Variants in PIWIL1 observed in about 807,000 individuals in gnomAD.
The protein encoded by PIWIL1 is piwi-like protein 1.
In PIWIL1, 73 loss-of-function variants were observed where a neutral mutation model predicts 114.4. The ratio of observed to expected loss-of-function variants is 0.64; its 90% CI spans 0.53 to 0.78. The LOEUF is 0.78. PIWIL1 is among the 30% of genes least tolerant of loss of function. The pLI, the probability that PIWIL1 is intolerant of heterozygous loss-of-function variation, is 0.00. For missense variants in PIWIL1, 723 were observed against 1,063.1 expected (o/e 0.68, Z 4.45); for synonymous variants, 375 against 369.0 (o/e 1.02, Z -0.19).
At chr12:130,396,437 T>C in the PIWIL1 span, 2 of 152,538 alleles carry the variant, frequency 1.3e-5, no homozygotes, top group African/African-American at 4.8e-5. Context: ...GCCAGCAACT[T>C]TGTAAGTAAG....
chr12:130,368,219 C>G (rs2073723605), intron 19 of PIWIL1, among the ~76,000 whole-genome samples: 1 of 152,178 alleles, frequency 6.6e-6, no homozygotes, highest in African/African-American at 2.4e-5. Flanking sequence ...GTACTCAGGA[C>G]AGCGAATCGT....
chr12:130,365,114 G>A (rs973301612), intron 18 of PIWIL1, among the ~76,000 whole-genome samples: 1 of 152,202 alleles, frequency 6.6e-6, no homozygotes, highest in Non-Finnish European at 1.5e-5. Context: ...GGTGCAGCTG[G>A]TGGGTGCGCC....
chr12:130,406,165 A>AACTT, the PIWIL1 span: 1 of 1,483,740 alleles, frequency 6.7e-7, no homozygotes, highest in Non-Finnish European at 9.4e-7. Context: ...ATATTTCAAA[A>AACTT]ACTTACATAA....
At chr12:130,373,813 G>C (rs1401969308), downstream of PIWIL1, among the ~76,000 whole-genome samples, 1 of 152,132 alleles carries the variant, frequency 6.6e-6, no homozygotes, top group African/African-American at 2.4e-5. Flanking sequence ...CAGAGACTAG[G>C]TTGATGTCTG....
the PIWIL1 span, among the ~76,000 whole-genome samples, chr12:130,395,692 G>GT: frequency 6.6e-6 from 1 of 152,134 alleles, no homozygotes; most frequent in Non-Finnish European, 1.5e-5. Flanking sequence ...TCATCTTGCC[G>GT]TAAGTGTGTT....
the PIWIL1 span, chr12:130,412,560 C>T: frequency 2.3e-5 from 34 of 1,469,686 alleles, 1 homozygote; most frequent in South Asian, 2.0e-4. Context: ...CCTCTCTGAG[C>T]GGCAGGTGTT....
the PIWIL1 span, among the ~76,000 whole-genome samples, chr12:130,393,567 A>C: frequency 7.4e-6 from 1 of 135,854 alleles, no homozygotes; most frequent in Non-Finnish European, 1.7e-5. Context: ...GTGATGACCC[A>C]GTCACCATCC....
chr12:130,407,809 T>C, the PIWIL1 span: 11 of 1,613,910 alleles, frequency 6.8e-6, no homozygotes, highest in Non-Finnish European at 4.2e-6. Flanking sequence ...GAATGACGCC[T>C]GCCACTTCTC....
In PIWIL1 at chr12:130,361,255, A is replaced by G; in HGVS notation, c.1741A>G (p.Thr581Ala). ...AAAATACCTGTGTACAGATTGCCCTACCCCAAGTCAGTGTGTGGTGGCCCG... is the reference window on the plus strand; with the variant it reads ...AAAATACCTGTGTACAGATTGCCCTGCCCCAAGTCAGTGTGTGGTGGCCCG... ...IKKYLCTDCPTPSQCVVARTL... is the reference protein window; with the variant it reads ...IKKYLCTDCPAPSQCVVARTL... Residue 581 changes from threonine (T) to alanine (A), a missense_variant, in exon 15 of 21, where the codon ACC (threonine) becomes GCC (alanine). Coordinates refer to ENST00000245255, the MANE Select transcript of PIWIL1 (RefSeq NM_004764.5). 2 of 1,614,176 alleles carry G rather than the reference A, an allele frequency of 1.2e-6. No individual in the cohort carries two copies. The highest frequency in any genetic ancestry group is 1.7e-6 in the Non-Finnish European group (2 of 1,180,022).
At chr12:130,401,696 G>A in the PIWIL1 span, among the ~76,000 whole-genome samples, 3 of 151,984 alleles carry the variant, frequency 2.0e-5, no homozygotes, top group East Asian at 3.9e-4. Context: ...TGCCCCTGGC[G>A]ATTTCTTCCT....
At position 130,342,583 on chromosome 12, in the gene PIWIL1, TA is replaced by T. The variant is rs2072951990; in HGVS notation, c.-8del. 6.2e-7 allele frequency: 1 copy of T among 1,601,892 alleles called. No homozygotes were observed. The highest frequency in any genetic ancestry group is 1.7e-4 in the Middle Eastern group (1 of 6,036). ...TTCAAGATTGTTTCCTCTCCAGAAA[TA>T]GAAAACAATGACTGGGAGAGCCCGA... On this transcript the variant is annotated 5_prime_UTR_variant, in exon 2 of 21. The change creates a new upstream start codon in the 5' untranslated region. Coordinates refer to ENST00000245255, the MANE Select transcript of PIWIL1 (RefSeq NM_004764.5).
intron 9 of PIWIL1, among the ~76,000 whole-genome samples, chr12:130,352,603 T>TCGGGAGACGGAG: frequency 6.6e-6 from 1 of 152,182 alleles, no homozygotes; most frequent in East Asian, 1.9e-4. Context: ...TCGCTGGAAC[T>TCGGGAGACGGAG]CGGGAGACGG....
intron 18 of PIWIL1, among the ~76,000 whole-genome samples, chr12:130,365,371 C>T (rs566293839): frequency 6.3e-4 from 96 of 152,218 alleles, no homozygotes; most frequent in African/African-American, 2.3e-3. Flanking sequence ...TGAAAATATA[C>T]GTAATGGACT....
At chr12:130,352,050 G>T (rs2073227422) in intron 9 of PIWIL1, among the ~76,000 whole-genome samples, 1 of 152,132 alleles carries the variant, frequency 6.6e-6, no homozygotes, top group Admixed American at 6.5e-5. Context: ...CACCTTGTAT[G>T]CTTATGCTTG....
the PIWIL1 span, chr12:130,399,688 C>G: frequency 6.2e-7 from 1 of 1,611,216 alleles, no homozygotes; most frequent in Non-Finnish European, 8.5e-7. Context: ...CCCTTTTTGC[C>G]TTTGAGCGCA....
At chr12:130,392,007 C>T in the PIWIL1 span, among the ~76,000 whole-genome samples, 2 of 152,148 alleles carry the variant, frequency 1.3e-5, no homozygotes, top group East Asian at 1.9e-4. Context: ...ACCCAGTCAC[C>T]GTCATCACGT....
At chr12:130,416,204 T>C in the PIWIL1 span, among the ~76,000 whole-genome samples, 2 of 152,306 alleles carry the variant, frequency 1.3e-5, no homozygotes, top group South Asian at 2.1e-4. Flanking sequence ...TGTCATTTTA[T>C]ATAGAATTAG....
intron 1 of PIWIL1, among the ~76,000 whole-genome samples, chr12:130,338,811 G>T (rs2072800836): frequency 7.6e-6 from 1 of 132,300 alleles, no homozygotes; most frequent in Non-Finnish European, 1.6e-5. Flanking sequence ...GCGGGGCCGG[G>T]GGGAAGCGCT....
chr12:130,353,318 G>GA (rs1413540558), intron 9 of PIWIL1, among the ~76,000 whole-genome samples: 3 of 76,880 alleles, frequency 3.9e-5, no homozygotes, highest in Admixed American at 3.3e-4. Context: ...GAGGTGTGTG[G>GA]TTTTTTCTTC....
Sources: allele counts gnomAD v4.1 joint callset (sites outside exome capture counted in the v4.1 genomes callset), GRCh38; gene constraint gnomAD v4.1.1; transcripts MANE v1.5; gene names NCBI Gene and HGNC (gene_info 2026-07-23, HGNC 2026-07-21).